The following SETBP1 variants were observed in gnomAD, a reference collection of about 807,000 sequenced individuals.
SETBP1 encodes SET binding protein 1.
SETBP1 carries 9 observed loss-of-function variants against 101.0 expected under a neutral mutation model. The observed-to-expected ratio is 0.09, with a 90% CI of 0.05 to 0.16. The LOEUF (loss-of-function observed/expected upper bound fraction) is 0.16, where lower values mean the gene tolerates loss of function less well. Among genes scored for constraint, SETBP1 ranks in the 10% least tolerant of loss-of-function variants. SETBP1 has a pLI of 1.00. For missense variants in SETBP1, 1,858 were observed against 2,033.8 expected (o/e 0.91, Z 1.66); for synonymous variants, 818 against 788.5 (o/e 1.04, Z -0.63).
At position 44,735,346 on chromosome 18, in the gene SETBP1, G is replaced by C. The variant is rs144358867; in HGVS notation, c.486+33514G>C. 2.0e-5 allele frequency among the ~76,000 whole-genome samples: 3 copies of C among 152,294 alleles called. No individual in the cohort carries two copies. The East Asian group carries it at 5.8e-4, about 29-fold the overall frequency. ...TAAGTCACATAATTTCCTGGGCTCA[G>C]CTGTTTCTTCCTTACAACTAAGGTT... On this transcript the variant is annotated intron_variant, in intron 2 of 5. Transcript: ENST00000649279.
intron 2 of SETBP1, among the ~76,000 whole-genome samples, chr18:44,801,526 C>A (rs935127470): frequency 2.0e-5 from 3 of 152,140 alleles, no homozygotes; most frequent in Admixed American, 1.3e-4. Context: ...CACAGCCATA[C>A]TCAGCAGTAG....
At chr18:45,062,562 A>G (rs556284717) in intron 5 of SETBP1, among the ~76,000 whole-genome samples, 1 of 152,342 alleles carries the variant, frequency 6.6e-6, no homozygotes, top group Non-Finnish European at 1.5e-5. Flanking sequence ...CATCTCTTCT[A>G]TGAGATCGAT....
In SETBP1 at chr18:44,869,018, A is replaced by AAG. The variant is rs201073205; in HGVS notation, c.487-206_487-205dup. On this transcript the variant is annotated intron_variant, in intron 2 of 5. Transcript: ENST00000649279. ...ATAGAAATAGTTTAGAGAGAGCAGC[A>AAG]AGAGAGAAGTGATGAAGTCAGAGAT... Among the ~76,000 whole-genome samples, 721 of 152,294 alleles carry AAG rather than the reference A, an allele frequency of 4.7e-3. 6 individuals are homozygous for AAG. The highest frequency in any genetic ancestry group is 0.017 in the African/African-American group (691 of 41,566).
intron 4 of SETBP1, among the ~76,000 whole-genome samples, chr18:45,013,525 T>C (rs7243328): frequency 0.37 from 56,439 of 151,636 alleles, 10,987 homozygotes; most frequent in East Asian, 0.52. Context: ...TCGCAACTTC[T>C]GCCTCCCGGG....
intron 2 of SETBP1, among the ~76,000 whole-genome samples, chr18:44,738,858 C>T (rs945670169): frequency 2.0e-5 from 3 of 151,222 alleles, no homozygotes; most frequent in Non-Finnish European, 4.4e-5. Flanking sequence ...TTATGTGTAA[C>T]AGTTGCCCAC....
At chr18:44,785,303 A>G (rs1195953343) in intron 2 of SETBP1, among the ~76,000 whole-genome samples, 3 of 152,116 alleles carry the variant, frequency 2.0e-5, no homozygotes, top group African/African-American at 4.8e-5. Context: ...GCCAGGGGAC[A>G]TGGCTGTTCC....
At chr18:44,932,383 A>T (rs1281001557) in intron 3 of SETBP1, among the ~76,000 whole-genome samples, 1 of 152,136 alleles carries the variant, frequency 6.6e-6, no homozygotes, top group Admixed American at 6.5e-5. Flanking sequence ...TATTTCCTTC[A>T]TTTCAACTTA....
At chr18:44,760,788 A>C (rs915843296) in intron 2 of SETBP1, among the ~76,000 whole-genome samples, 5 of 152,186 alleles carry the variant, frequency 3.3e-5, no homozygotes, top group African/African-American at 1.2e-4. Flanking sequence ...ACTCGCAGTA[A>C]AATATATTTA....
intron 5 of SETBP1, among the ~76,000 whole-genome samples, chr18:45,045,461 C>G (rs1194072987): frequency 6.6e-6 from 1 of 151,224 alleles, no homozygotes; most frequent in East Asian, 1.9e-4. Flanking sequence ...AGATTCCAAG[C>G]CTTTAATCAG....
rs881294 is a variant in SETBP1, at chr18:44,820,301, G to A, written c.487-48929G>A. 8.8e-3 allele frequency among the ~76,000 whole-genome samples: 1,346 copies of A among 152,334 alleles called. 19 individuals are homozygous for A. The highest frequency in any genetic ancestry group is 0.031 in the African/African-American group (1,285 of 41,574). On this transcript the variant is annotated intron_variant, in intron 2 of 5. Coordinates refer to ENST00000649279, the MANE Select transcript of SETBP1 (RefSeq NM_015559.3). ...CAATCACACCAGTTGGTTGGCAGGT[G>A]TAAATGTTCTGGGGGAGGACACCAG...
At chr18:44,877,480 C>A in intron 3 of SETBP1, 2 of 652,982 alleles carry the variant, frequency 3.1e-6, no homozygotes, top group Non-Finnish European at 3.8e-6. Flanking sequence ...TAATGTTCAC[C>A]CTCCAAAAAA....
intron 4 of SETBP1, among the ~76,000 whole-genome samples, chr18:44,964,591 TAAA>T (rs67481705): frequency 3.4e-5 from 5 of 146,256 alleles, no homozygotes; most frequent in African/African-American, 1.2e-4. Context: ...TTTATTATCT[TAAA>T]AAAAAAAAAA....
At chr18:44,962,077 A>G (rs1421587527) in intron 4 of SETBP1, among the ~76,000 whole-genome samples, 1 of 152,224 alleles carries the variant, frequency 6.6e-6, no homozygotes, top group Non-Finnish European at 1.5e-5. Context: ...GACCAGAAGG[A>G]AAGAAAAATC....
intron 3 of SETBP1, among the ~76,000 whole-genome samples, chr18:44,907,165 G>T (rs1466572783): frequency 1.3e-5 from 2 of 152,164 alleles, no homozygotes; most frequent in Non-Finnish European, 2.9e-5. Flanking sequence ...GTTTAGCCAT[G>T]CTGTAGGATG....
At chr18:44,999,135 G>A (rs1333059915) in intron 4 of SETBP1, among the ~76,000 whole-genome samples, 2 of 152,024 alleles carry the variant, frequency 1.3e-5, no homozygotes, top group African/African-American at 4.8e-5. Flanking sequence ...TGGTGCTCTG[G>A]TTACCACTAT....
intron 2 of SETBP1, among the ~76,000 whole-genome samples, chr18:44,791,524 T>TG (rs2071371027): frequency 6.6e-6 from 1 of 152,122 alleles, no homozygotes; most frequent in South Asian, 2.1e-4. Flanking sequence ...CTCTCAGTGG[T>TG]GGGGGACACA....
chr18:44,846,153 C>G (rs750463134), intron 2 of SETBP1, among the ~76,000 whole-genome samples: 1 of 152,192 alleles, frequency 6.6e-6, no homozygotes, highest in Non-Finnish European at 1.5e-5. Flanking sequence ...TAGGAAGTAA[C>G]AACAGTGGTT....
At chr18:44,939,543 A>G (rs1300051723) in intron 3 of SETBP1, among the ~76,000 whole-genome samples, 1 of 152,202 alleles carries the variant, frequency 6.6e-6, no homozygotes, top group Non-Finnish European at 1.5e-5. Flanking sequence ...TAAAAGTCTA[A>G]TTGTGGATGT....
At chr18:44,737,166 T>C (rs2069987095) in intron 2 of SETBP1, among the ~76,000 whole-genome samples, 1 of 152,270 alleles carries the variant, frequency 6.6e-6, no homozygotes, top group Admixed American at 6.5e-5. Context: ...CCTGGCTTGC[T>C]AGAGGCCTGT....
Sources: allele counts gnomAD v4.1 joint callset (sites outside exome capture counted in the v4.1 genomes callset), GRCh38; gene constraint gnomAD v4.1.1; transcripts MANE v1.5; gene names NCBI Gene and HGNC (gene_info 2026-07-23, HGNC 2026-07-21).